Variants in SP3 observed in about 807,000 individuals in gnomAD.
SP3 encodes Sp3 transcription factor, also known as transcription factor Sp3.
Under a neutral mutation model 70.3 loss-of-function variants are expected in SP3, and 10 were observed. The ratio of observed to expected loss-of-function variants is 0.14; its 90% CI spans 0.09 to 0.24. The LOEUF (loss-of-function observed/expected upper bound fraction) is 0.24, where lower values mean the gene tolerates loss of function less well. SP3 is among the 10% of genes least tolerant of loss of function. The probability of loss-of-function intolerance (pLI) is 1.00; values close to 1 mark genes in which losing one functional copy is unlikely to be tolerated. For missense variants in SP3, 825 were observed against 914.6 expected (o/e 0.90, Z 1.26); for synonymous variants, 402 against 333.5 (o/e 1.21, Z -2.24).
upstream of SP3, chr2:173,965,405 G>T (rs1213660641): frequency 1.8e-6 from 1 of 559,650 alleles, no homozygotes; most frequent in Non-Finnish European, 3.2e-6. Flanking sequence ...CCTCTTCTTG[G>T]CTCTCATTCG....
chr2:173,962,003 T>C (rs1323829607), intron 3 of SP3, among the ~76,000 whole-genome samples: 1 of 150,622 alleles, frequency 6.6e-6, no homozygotes, highest in Non-Finnish European at 1.5e-5. Flanking sequence ...CAAATTATGA[T>C]GTATTTGATT....
intron 4 of SP3, among the ~76,000 whole-genome samples, chr2:173,934,191 A>C (rs1435593281): frequency 6.6e-6 from 1 of 152,054 alleles, no homozygotes; most frequent in Non-Finnish European, 1.5e-5. Context: ...AGTGAGCTAT[A>C]ATCATACCCC....
intron 4 of SP3, among the ~76,000 whole-genome samples, chr2:173,936,738 A>G (rs895296005): frequency 1.1e-4 from 16 of 152,198 alleles, no homozygotes; most frequent in Non-Finnish European, 2.9e-5. Context: ...AACATTTAAT[A>G]ATACCTATTA....
intron 4 of SP3, among the ~76,000 whole-genome samples, chr2:173,924,405 G>A (rs1279677344): frequency 6.6e-6 from 1 of 152,160 alleles, no homozygotes; most frequent in Non-Finnish European, 1.5e-5. Context: ...AAACTGACTA[G>A]CGAGATATTC....
chr2:173,943,813 A>G (rs1690449463), intron 4 of SP3, among the ~76,000 whole-genome samples: 1 of 152,224 alleles, frequency 6.6e-6, no homozygotes. Context: ...ATACATTCTG[A>G]GAAATACATC....
At chr2:173,959,306 A>G (rs1428977742) in intron 3 of SP3, among the ~76,000 whole-genome samples, 1 of 152,130 alleles carries the variant, frequency 6.6e-6, no homozygotes, top group African/African-American at 2.4e-5. Flanking sequence ...AGTACACTAA[A>G]TACCAAATGG....
Position 173,965,241 on chromosome 2 carries a change from G to A in SP3, c.-70C>T, listed in dbSNP as rs1170821233. On this transcript the variant is annotated 5_prime_UTR_variant, in exon 1 of 7. Coordinates refer to ENST00000310015, the MANE Select transcript of SP3 (RefSeq NM_003111.5). ...CATGGTGAGGAGCGAAGGCGGCGGCGGCGGGAGAGGATGCGGGAAGCGGCG... is the reference window on the plus strand; with the variant it reads ...CATGGTGAGGAGCGAAGGCGGCGGCAGCGGGAGAGGATGCGGGAAGCGGCG... 42 of 1,532,668 alleles carry A rather than the reference G, an allele frequency of 2.7e-5. No homozygotes were observed. Among genetic ancestry groups the A allele is most frequent in the Non-Finnish European group, 3.6e-5 (41 of 1,133,724 alleles). 94.9% of individuals were successfully genotyped at this position (1,532,668 alleles called of 1,614,324 possible). A position where few individuals can be genotyped will look rare whatever the true frequency, so the allele number is the denominator to read the frequency against.
chr2:173,929,243 A>T (rs1254027472), intron 4 of SP3, among the ~76,000 whole-genome samples: 1 of 152,210 alleles, frequency 6.6e-6, no homozygotes, highest in Non-Finnish European at 1.5e-5. Flanking sequence ...AATTAAAGGA[A>T]AGGGCAATTC....
At chr2:173,913,492 C>A in intron 5 of SP3, 1 of 320,026 alleles carries the variant, frequency 3.1e-6, no homozygotes, top group Non-Finnish European at 5.6e-6. Flanking sequence ...GATTGTTGTC[C>A]AAATGTAAAT....
intron 3 of SP3, among the ~76,000 whole-genome samples, chr2:173,956,453 A>T (rs1690895671): frequency 6.6e-6 from 1 of 152,190 alleles, no homozygotes; most frequent in African/African-American, 2.4e-5. Flanking sequence ...GGATAAAAAA[A>T]ATTCTCGGAA....
Position 173,912,996 on chromosome 2 carries a change from T to C in SP3, c.2029+74A>G, listed in dbSNP as rs1019707607. The C allele has an allele frequency of 2.7e-6, 3 of 1,124,088 alleles. No homozygotes were observed. In the African/African-American group the frequency reaches 4.7e-5, roughly 18 times the overall value. The allele number at this position is 1,124,088 out of a possible 1,614,324, so 69.6% of individuals were successfully genotyped here. A position where few individuals can be genotyped will look rare whatever the true frequency, so the allele number is the denominator to read the frequency against. ...ATCGATTCAGTTCAGTAAGGAATGCTAATAAAAAAGAAGTCAAGGCAGTTA... is the reference window on the plus strand; with the variant it reads ...ATCGATTCAGTTCAGTAAGGAATGCCAATAAAAAAGAAGTCAAGGCAGTTA... On this transcript the variant is annotated intron_variant, in intron 6 of 6. Transcript: ENST00000310015.
Position 173,955,393 on chromosome 2 carries a change from G to C in SP3, c.1119C>G (p.Ile373Met). The change falls in exon 4 of 7, where the codon ATC (isoleucine) becomes ATG (methionine). Residue 373 changes from isoleucine (I) to methionine (M), a missense_variant. Physicochemically the swap from Ile to Met is conservative, Grantham distance 10. Around this residue, in one of 4 missense-constraint regions of SP3, gnomAD observed 678 missense variants for 651.6 expected, o/e 1.04. Coordinates refer to ENST00000310015, the MANE Select transcript of SP3 (RefSeq NM_003111.5). ...GTGTCTCTTCAGAAACAGGCGACTG[G>C]ATATAATTTCCCTGAAGATCTGAAG... is the stretch of plus-strand genomic sequence containing the variant. ...VHSSDLQGNYIQSPVSEETQA... is the reference protein window; with the variant it reads ...VHSSDLQGNYMQSPVSEETQA... 1.2e-6 allele frequency: 2 copies of C among 1,614,020 alleles called. No individual in the cohort carries two copies. Among genetic ancestry groups the C allele is most frequent in the Non-Finnish European group, 1.7e-6 (2 of 1,179,992 alleles).
At chr2:173,918,108 T>C (rs771381144) in intron 5 of SP3, among the ~76,000 whole-genome samples, 1 of 152,054 alleles carries the variant, frequency 6.6e-6, no homozygotes, top group Non-Finnish European at 1.5e-5. Flanking sequence ...TGTTATTCTG[T>C]CTTAATGTTT....
chr2:173,920,206 G>C (rs1436372191), intron 4 of SP3, among the ~76,000 whole-genome samples: 4 of 151,914 alleles, frequency 2.6e-5, no homozygotes, highest in Non-Finnish European at 5.9e-5. Flanking sequence ...CCAACCATAT[G>C]ACACGTTGGA....
At chr2:173,964,616 C>A (rs1691226002) in intron 1 of SP3, 63 bp from the exon 2 acceptor site, 2 of 632,980 alleles carry the variant, frequency 3.2e-6, no homozygotes, top group Non-Finnish European at 5.8e-6. Flanking sequence ...AGGGAGGGGG[C>A]CCGCGGGCCG....
At chr2:173,926,645 T>C (rs1689917803) in intron 4 of SP3, among the ~76,000 whole-genome samples, 2 of 152,070 alleles carry the variant, frequency 1.3e-5, no homozygotes. Flanking sequence ...CAAAAATAAA[T>C]TGGGCCACAA....
chr2:173,952,795 A>G (rs530278374), intron 4 of SP3, among the ~76,000 whole-genome samples: 118 of 152,332 alleles, frequency 7.7e-4, no homozygotes, highest in Non-Finnish European at 1.4e-3. Flanking sequence ...GAAAGAAACC[A>G]AACACCAAAG....
intron 6 of SP3, among the ~76,000 whole-genome samples, chr2:173,911,806 T>C (rs2105453339): frequency 6.9e-6 from 1 of 145,736 alleles, no homozygotes; most frequent in African/African-American, 2.6e-5. Context: ...CAAAATCTTT[T>C]ATCTACCTTT....
intron 6 of SP3, among the ~76,000 whole-genome samples, chr2:173,912,427 C>T (rs971681558): frequency 2.0e-5 from 3 of 152,188 alleles, no homozygotes; most frequent in Non-Finnish European, 4.4e-5. Flanking sequence ...GTTTTCAATT[C>T]TCCAGTGTTG....
Sources: gnomAD v4.1 joint callset for allele counts (sites outside exome capture counted in the v4.1 genomes callset) on GRCh38, gnomAD v4.1.1 for gene constraint, gnomAD v4.1.1 regional missense constraint, MANE v1.5 for transcripts, NCBI Gene and HGNC (gene_info 2026-07-23, HGNC 2026-07-21) for gene names.